Variants in RAB12 observed in about 807,000 individuals in gnomAD.
RAB12 encodes the protein ras-related protein Rab-12.
RAB12 carries 11 observed loss-of-function variants against 28.4 expected under a neutral mutation model. The observed-to-expected ratio is 0.39, with a 90% CI of 0.24 to 0.64. The LOEUF (loss-of-function observed/expected upper bound fraction) is 0.64. Among genes scored for constraint, RAB12 ranks in the 30% least tolerant of loss-of-function variants. RAB12 has a pLI of 0.50. For synonymous variants in RAB12, 138 were observed against 145.3 expected (o/e 0.95, Z 0.36); for missense variants, 276 against 351.1 (o/e 0.79, Z 1.71).
rs757541881 is a variant in RAB12 at position 8,633,184 on chromosome 18, C to T, written c.576-5C>T. The T allele has an allele frequency of 6.2e-7, 1 of 1,613,630 alleles. No individual in the cohort carries two copies. Among genetic ancestry groups the T allele is most frequent in the Non-Finnish European group, 8.5e-7 (1 of 1,179,944 alleles). ...TGGGAACTGACTTTGGCTGCTTTTT[C>T]TTAGGGACACAGCAGGTCAGGAGAG... On this transcript the variant is annotated splice_region_variant and splice_polypyrimidine_tract_variant and intron_variant, in intron 2 of 5. Transcript: ENST00000649141.
At chr18:8,632,282 CAAAAA>C (rs397859076) in intron 2 of RAB12, among the ~76,000 whole-genome samples, 1 of 58,790 alleles carries the variant, frequency 1.7e-5, no homozygotes. Flanking sequence ...ACTCTGTCTC[CAAAAA>C]AAAAAAAAAA....
intron 2 of RAB12, among the ~76,000 whole-genome samples, chr18:8,625,954 T>G (rs1220781418): frequency 1.3e-5 from 2 of 152,262 alleles, no homozygotes; most frequent in African/African-American, 4.8e-5. Context: ...GGGCCGCAGC[T>G]GCAGCCAAGC....
chr18:8,636,194 G>A, intron 4 of RAB12, 59 bp from the exon 5 acceptor site: 1 of 1,128,056 alleles, frequency 8.9e-7, no homozygotes, highest in Non-Finnish European at 1.3e-6. Context: ...GAGACCTCAT[G>A]CTCGCACGCT....
intron 1 of RAB12, among the ~76,000 whole-genome samples, chr18:8,622,829 C>G (rs771566567): frequency 2.0e-5 from 3 of 152,174 alleles, no homozygotes; most frequent in South Asian, 2.1e-4. Flanking sequence ...CCCGCCACCC[C>G]GTAGACCTAC....
At chr18:8,631,720 ATAATT>A (rs1305304124) in intron 2 of RAB12, among the ~76,000 whole-genome samples, 1 of 152,250 alleles carries the variant, frequency 6.6e-6, no homozygotes, top group Non-Finnish European at 1.5e-5. Context: ...GTGCACATCT[ATAATT>A]TAGAGTATTA....
At chr18:8,613,375 G>A (rs2096004925) in intron 1 of RAB12, among the ~76,000 whole-genome samples, 1 of 152,174 alleles carries the variant, frequency 6.6e-6, no homozygotes, top group African/African-American at 2.4e-5. Flanking sequence ...CCTCATAGCA[G>A]TGCCTGTATC....
chr18:8,623,210 G>A (rs1002364851), intron 1 of RAB12, among the ~76,000 whole-genome samples: 1 of 152,132 alleles, frequency 6.6e-6, no homozygotes, highest in African/African-American at 2.4e-5. Context: ...AAGTGTCGAT[G>A]GAATCTTCAC....
intron 5 of RAB12, 56 bp from the exon 6 acceptor site, chr18:8,638,093 T>C: frequency 6.3e-6 from 7 of 1,117,564 alleles, no homozygotes; most frequent in Non-Finnish European, 9.5e-6. Context: ...AAGGGTCAGC[T>C]GTATGTGTAC....
At chr18:8,625,904 G>A (rs1015045054) in intron 2 of RAB12, among the ~76,000 whole-genome samples, 9 of 152,206 alleles carry the variant, frequency 5.9e-5, no homozygotes, top group African/African-American at 1.9e-4. Flanking sequence ...ATGCTTGAAT[G>A]TTAGTGCCAT....
chr18:8,618,792 G>T (rs1459293291), intron 1 of RAB12, among the ~76,000 whole-genome samples: 2 of 152,200 alleles, frequency 1.3e-5, no homozygotes, highest in Non-Finnish European at 2.9e-5. Flanking sequence ...GATTACAGGT[G>T]TGAGCCACCG....
Position 8,638,273 on chromosome 18 carries a change from T to C in RAB12, c.*11T>C, listed in dbSNP as rs2096020106. 2 of 1,577,508 alleles carry C rather than the reference T, an allele frequency of 1.3e-6. No individual in the cohort carries two copies. The highest frequency in any genetic ancestry group is 2.2e-5 in the South Asian group (2 of 90,158). Reference sequence around the variant, plus strand: ...GTCCGATGCTGTTGATTTCCTACTTTGGAGACAAAGTGGAAATGATTCCTG... The same window carrying C: ...GTCCGATGCTGTTGATTTCCTACTTCGGAGACAAAGTGGAAATGATTCCTG... On this transcript the variant is annotated 3_prime_UTR_variant, in exon 6 of 6. Coordinates refer to ENST00000649141, the MANE Select transcript of RAB12 (RefSeq NM_001025300.3).
At chr18:8,637,715 A>G (rs1046468546) in intron 5 of RAB12, among the ~76,000 whole-genome samples, 2 of 152,244 alleles carry the variant, frequency 1.3e-5, no homozygotes, top group African/African-American at 2.4e-5. Flanking sequence ...CTAAAAGCCT[A>G]TCACTGACTG....
intron 2 of RAB12, among the ~76,000 whole-genome samples, chr18:8,629,864 A>G (rs1307092989): frequency 6.6e-6 from 1 of 152,162 alleles, no homozygotes; most frequent in African/African-American, 2.4e-5. Flanking sequence ...CCTTGCATGG[A>G]AGAGCCTGTT....
intron 5 of RAB12, among the ~76,000 whole-genome samples, chr18:8,636,991 TG>T (rs2096019318): frequency 6.6e-6 from 1 of 152,160 alleles, no homozygotes; most frequent in Non-Finnish European, 1.5e-5. Flanking sequence ...AGGCTGGGTG[TG>T]GTAGCTCACA....
intron 1 of RAB12, among the ~76,000 whole-genome samples, chr18:8,620,595 A>G (rs1256055364): frequency 6.7e-6 from 1 of 149,758 alleles, no homozygotes; most frequent in East Asian, 2.0e-4. Context: ...GAATTTCCCT[A>G]TTTTTTCCCA....
intron 2 of RAB12, among the ~76,000 whole-genome samples, chr18:8,632,094 C>T (rs567112773): frequency 5.3e-5 from 8 of 151,790 alleles, no homozygotes; most frequent in Non-Finnish European, 1.0e-4. Flanking sequence ...CCAGCCTGGC[C>T]GACATGGTGA....
chr18:8,620,165 C>CAAA (rs10680284), intron 1 of RAB12, among the ~76,000 whole-genome samples: 2,851 of 75,388 alleles, frequency 0.038, 141 homozygotes, highest in African/African-American at 0.096. Context: ...TTTTTTGCTT[C>CAAA]AAAAAAAAAA....
At chr18:8,620,139 CTTTTT>C (rs71165795) in intron 1 of RAB12, among the ~76,000 whole-genome samples, 4 of 53,954 alleles carry the variant, frequency 7.4e-5, no homozygotes, top group East Asian at 6.3e-4. Flanking sequence ...TTTTCTTCTT[CTTTTT>C]TTTTTTTTTT....
At chr18:8,617,211 CTT>C (rs1239088358) in intron 1 of RAB12, among the ~76,000 whole-genome samples, 1 of 152,160 alleles carries the variant, frequency 6.6e-6, no homozygotes, top group African/African-American at 2.4e-5. Context: ...TTTTAATTCT[CTT>C]TTCCTAATTT....
Sources: allele counts gnomAD v4.1 joint callset (sites outside exome capture counted in the v4.1 genomes callset), GRCh38; gene constraint gnomAD v4.1.1; transcripts MANE v1.5; gene names NCBI Gene and HGNC (gene_info 2026-07-23, HGNC 2026-07-21).